The following TMEM61 variants were observed in gnomAD, a reference collection of about 807,000 sequenced individuals.
TMEM61 encodes transmembrane protein 61.
In TMEM61, 13 loss-of-function variants were observed where a neutral mutation model predicts 12.0. The observed-to-expected ratio is 1.08, with a 90% CI of 0.70 to 1.72. The LOEUF is 1.72. TMEM61 is among the 40% of genes most tolerant of loss of function. The probability of loss-of-function intolerance (pLI) is 0.00; values close to 1 mark genes in which losing one functional copy is unlikely to be tolerated. For synonymous variants in TMEM61, 109 were observed against 121.4 expected (o/e 0.90, Z 0.67); for missense variants, 249 against 276.9 (o/e 0.90, Z 0.71).
chr1:54,987,589 CT>C (rs1185021425), intron 2 of TMEM61, among the ~76,000 whole-genome samples: 2 of 152,194 alleles, frequency 1.3e-5, no homozygotes, highest in Non-Finnish European at 2.9e-5. Flanking sequence ...TATGCATGCC[CT>C]TTTATGTACT....
At chr1:54,991,576 A>T (rs1432723712) in intron 2 of TMEM61, among the ~76,000 whole-genome samples, 1 of 152,144 alleles carries the variant, frequency 6.6e-6, no homozygotes, top group African/African-American at 2.4e-5. Flanking sequence ...CTGCAGAGAG[A>T]ACTGAGGAGG....
intron 1 of TMEM61, 76 bp downstream of exon 1, chr1:54,981,156 C>T (rs1644218037): frequency 6.7e-7 from 1 of 1,502,628 alleles, no homozygotes; most frequent in Non-Finnish European, 9.0e-7. Flanking sequence ...CGACCCCTTC[C>T]CCTAACCTCG....
Position 54,986,382 on chromosome 1 carries a change from C to A in TMEM61, c.301C>A (p.Pro101Thr), listed in dbSNP as rs1283116622. 2 of 1,612,054 alleles carry A rather than the reference C, an allele frequency of 1.2e-6. No homozygotes were observed. The highest frequency in any genetic ancestry group is 3.3e-5 in the Admixed American group (2 of 59,936). Residue 101 changes from proline (P) to threonine (T), a missense_variant, in exon 2 of 3, where the codon CCC (proline) becomes ACC (threonine). Coordinates refer to ENST00000371268, the MANE Select transcript of TMEM61 (RefSeq NM_182532.3). Reference sequence around the variant, plus strand: ...CATCCCAGGGCCACCTCGATGGGACCCCTATCACCTCTCCAGAGACCTGTA... The same window carrying A: ...CATCCCAGGGCCACCTCGATGGGACACCTATCACCTCTCCAGAGACCTGTA... ...ASIPGPPRWDPYHLSRDLYYL... is the reference protein window; with the variant it reads ...ASIPGPPRWDTYHLSRDLYYL...
intron 2 of TMEM61, among the ~76,000 whole-genome samples, chr1:54,990,603 G>T (rs1644291262): frequency 1.3e-5 from 2 of 152,134 alleles, no homozygotes; most frequent in Non-Finnish European, 1.5e-5. Context: ...GGAATCAACT[G>T]CTTCCCAGCA....
At position 54,981,115 on chromosome 1, in the gene TMEM61, C is replaced by T. The variant is rs753199353; in HGVS notation, c.15+35C>T. Reference sequence around the variant, plus strand: ...AACGGCCTTCTCCCTCCTTTACGGGCACTCAGCCCCTTCTGTCGTCGACCT... The same window carrying T: ...AACGGCCTTCTCCCTCCTTTACGGGTACTCAGCCCCTTCTGTCGTCGACCT... On this transcript the variant is annotated intron_variant, in intron 1 of 2. Transcript: ENST00000371268. 38 of 1,575,068 alleles carry T rather than the reference C, an allele frequency of 2.4e-5. No individual in the cohort carries two copies. In the African/African-American group the frequency reaches 4.0e-4, roughly 17 times the overall value.
chr1:54,988,436 C>A (rs577271883), intron 2 of TMEM61, among the ~76,000 whole-genome samples: 2 of 152,362 alleles, frequency 1.3e-5, no homozygotes, highest in Non-Finnish European at 1.5e-5. Flanking sequence ...GTCGTAGACT[C>A]AAAACTGGGG....
intron 2 of TMEM61, among the ~76,000 whole-genome samples, chr1:54,989,354 G>A (rs1470521362): frequency 1.3e-5 from 2 of 152,216 alleles, no homozygotes; most frequent in Non-Finnish European, 2.9e-5. Context: ...GGAGATTAGA[G>A]AACTTAAGTG....
Position 54,992,163 on chromosome 1 carries a change from T to C in TMEM61, c.*60T>C. On this transcript the variant is annotated 3_prime_UTR_variant, in exon 3 of 3. Coordinates refer to ENST00000371268, the MANE Select transcript of TMEM61 (RefSeq NM_182532.3). ...ATGCCGTGCCTTCTCCAGAGTCTTA[T>C]GCAGTGCCTGGGACACAGTAGGCAC... is the stretch of plus-strand genomic sequence containing the variant. 2 of 1,567,112 alleles carry C rather than the reference T, an allele frequency of 1.3e-6. No homozygotes were observed. The highest frequency in any genetic ancestry group is 2.2e-5 in the East Asian group (1 of 44,574).
chr1:54,990,470 C>T (rs182510113), intron 2 of TMEM61, among the ~76,000 whole-genome samples: 2 of 152,286 alleles, frequency 1.3e-5, no homozygotes, highest in Admixed American at 6.5e-5. Flanking sequence ...GGGGCAGCAG[C>T]AGGTTCCATC....
chr1:54,981,320 A>G (rs1342409430), intron 1 of TMEM61, among the ~76,000 whole-genome samples: 2 of 152,176 alleles, frequency 1.3e-5, no homozygotes, highest in East Asian at 1.9e-4. Context: ...AGCGGCATCT[A>G]AAGTGCCCTT....
At chr1:54,983,890 A>G (rs1377111218) in intron 1 of TMEM61, among the ~76,000 whole-genome samples, 2 of 151,768 alleles carry the variant, frequency 1.3e-5, no homozygotes, top group African/African-American at 4.9e-5. Flanking sequence ...AGCTGGAGAC[A>G]GGAGGCACTT....
At position 54,986,315 on chromosome 1, in the gene TMEM61, CCTG is replaced by C; in HGVS notation, c.243_245del (p.Leu82del). On this transcript the variant is annotated inframe_deletion, in exon 2 of 3. Transcript: ENST00000371268. ...GCTTCGTCTGCTGCGGTGCAGGTGG[CCTG>C]CTGCTGCTCATTGGCCTGCTGTGGT... The C allele has an allele frequency of 6.2e-7, 1 of 1,614,040 alleles. No individual in the cohort carries two copies. Among genetic ancestry groups the C allele is most frequent in the South Asian group, 1.1e-5 (1 of 91,082 alleles).
intron 2 of TMEM61, 40 bp downstream of exon 2, chr1:54,986,486 G>A: frequency 6.7e-7 from 1 of 1,485,590 alleles, no homozygotes; most frequent in South Asian, 1.4e-5. Flanking sequence ...GGGACTGCAG[G>A]TAGGGGCCCA....
intron 1 of TMEM61, among the ~76,000 whole-genome samples, chr1:54,983,314 G>A (rs192301393): frequency 1.7e-3 from 265 of 151,760 alleles, no homozygotes; most frequent in Non-Finnish European, 3.0e-3. Context: ...TAGAGACGGG[G>A]GTTTCACCAT....
intron 2 of TMEM61, 88 bp downstream of exon 2, chr1:54,986,534 C>A: frequency 2.5e-6 from 3 of 1,202,198 alleles, no homozygotes; most frequent in Non-Finnish European, 3.5e-6. Context: ...GTAATTCCAG[C>A]AAATTCTCAT....
chr1:54,986,360 C>A lies in TMEM61; in HGVS notation c.279C>A (p.Ile93=). 2 of 1,613,486 alleles carry A rather than the reference C, an allele frequency of 1.2e-6. No homozygotes were observed. Among genetic ancestry groups the A allele is most frequent in the South Asian group, 2.2e-5 (2 of 91,008 alleles). ...TGCTGTGGTCCGTCAAGGCCAGCAT[C>A]CCAGGGCCACCTCGATGGGACCCCT... The part of the protein sequence containing the change: ...IGLLWSVKAS[I]PGPPRWDPYH... Residue 93 remains isoleucine (I), a synonymous_variant, in exon 2 of 3, where the codon ATC becomes ATA. Transcript: ENST00000371268.
intron 1 of TMEM61, among the ~76,000 whole-genome samples, chr1:54,983,180 C>T (rs1256435388): frequency 1.4e-5 from 2 of 139,552 alleles, no homozygotes; most frequent in Admixed American, 1.6e-4. Context: ...GTGACGCAAT[C>T]TCGGCTCACT....
intron 1 of TMEM61, among the ~76,000 whole-genome samples, chr1:54,983,655 ACC>A (rs1320164989): frequency 2.0e-5 from 3 of 152,064 alleles, no homozygotes; most frequent in African/African-American, 7.2e-5. Flanking sequence ...TGGCCTGCCC[ACC>A]TGTAGGGAGG....
chr1:54,983,688 A>G lies in TMEM61; in HGVS notation c.16-2409A>G, dbSNP rs1400639091. Among the ~76,000 whole-genome samples the G allele has an allele frequency of 1.2e-4, 19 of 152,102 alleles. No individual in the cohort carries two copies. The East Asian group carries it at 3.5e-3, about 28-fold the overall frequency. Reference sequence around the variant, plus strand: ...GGAGGCAGGTGCGATGCTAGGTATAAAGGGGGACTGTTGAGTACCATAACA... The same window carrying G: ...GGAGGCAGGTGCGATGCTAGGTATAGAGGGGGACTGTTGAGTACCATAACA... On this transcript the variant is annotated intron_variant, in intron 1 of 2. Coordinates refer to ENST00000371268, the MANE Select transcript of TMEM61 (RefSeq NM_182532.3).
Sources: gnomAD v4.1 joint callset for allele counts (sites outside exome capture counted in the v4.1 genomes callset) on GRCh38, gnomAD v4.1.1 for gene constraint, MANE v1.5 for transcripts, NCBI Gene and HGNC (gene_info 2026-07-23, HGNC 2026-07-21) for gene names.